The following IL20RB variants were observed in gnomAD, a reference collection of about 807,000 sequenced individuals.
IL20RB encodes the protein interleukin 20 receptor subunit beta.
Under a neutral mutation model 33.3 loss-of-function variants are expected in IL20RB, and 21 were observed. The ratio of observed to expected loss-of-function variants is 0.63; its 90% CI spans 0.45 to 0.91. The LOEUF is 0.91. Among genes scored for constraint, IL20RB ranks in the 40% least tolerant of loss-of-function variants. The pLI is 0.00. For missense variants in IL20RB, 345 were observed against 384.8 expected, an observed-to-expected ratio of 0.90 and a Z score of 0.86; for synonymous variants, 147 against 146.8, an observed-to-expected ratio of 1.00 and a Z score of -0.01.
intron 1 of IL20RB, among the ~76,000 whole-genome samples, chr3:136,966,227 G>C (rs1474907744): frequency 1.5e-5 from 2 of 137,924 alleles, no homozygotes; most frequent in African/African-American, 5.8e-5. Flanking sequence ...AGTTAGGGAG[G>C]ATTCCCTCTT....
chr3:136,973,908 G>T (rs1368156387), intron 1 of IL20RB, among the ~76,000 whole-genome samples: 1 of 151,834 alleles, frequency 6.6e-6, no homozygotes, highest in East Asian at 1.9e-4. Context: ...GTTTTCATTT[G>T]TGTGGAGAAT....
intron 1 of IL20RB, among the ~76,000 whole-genome samples, chr3:136,972,380 G>C (rs1432836395): frequency 6.6e-6 from 1 of 152,142 alleles, no homozygotes; most frequent in Non-Finnish European, 1.5e-5. Flanking sequence ...CAGGAGGATT[G>C]ATATTAATTC....
At chr3:136,993,918 C>T (rs1942079079) in intron 5 of IL20RB, among the ~76,000 whole-genome samples, 1 of 151,570 alleles carries the variant, frequency 6.6e-6, no homozygotes. Flanking sequence ...AAGGCTGAGG[C>T]ATGAAAATCG....
chr3:136,961,212 T>A (rs544156706), intron 1 of IL20RB, among the ~76,000 whole-genome samples: 32 of 152,336 alleles, frequency 2.1e-4, no homozygotes, highest in African/African-American at 7.7e-4. Context: ...TGTACCAGGT[T>A]CTGGGATGTG....
chr3:136,975,924 G>A (rs142041402), intron 1 of IL20RB, among the ~76,000 whole-genome samples: 80 of 152,348 alleles, frequency 5.3e-4, no homozygotes, highest in African/African-American at 1.9e-3. Flanking sequence ...GACTGGGCAA[G>A]GAGGTGGGTT....
chr3:136,987,259 T>C (rs866151353), intron 3 of IL20RB, among the ~76,000 whole-genome samples: 26 of 152,180 alleles, frequency 1.7e-4, no homozygotes, highest in Admixed American at 1.5e-3. Context: ...ATCCCTGAGC[T>C]AGACACAAAG....
chr3:136,986,212 CAAATAAATAAATAAATAAAT>C (rs751861399), intron 3 of IL20RB, among the ~76,000 whole-genome samples: 1 of 138,090 alleles, frequency 7.2e-6, no homozygotes, highest in Non-Finnish European at 1.5e-5. Context: ...GACTCCATCT[CAAATAAATAAATAAATAAAT>C]AAATAAATAA....
intron 5 of IL20RB, among the ~76,000 whole-genome samples, chr3:136,994,193 A>G (rs575369221): frequency 7.4e-4 from 113 of 152,278 alleles, no homozygotes; most frequent in Admixed American, 7.2e-4. Flanking sequence ...GAAAGAATGA[A>G]TAAGACCTAC....
intron 1 of IL20RB, among the ~76,000 whole-genome samples, chr3:136,979,264 A>G (rs1941709177): frequency 1.3e-5 from 2 of 152,146 alleles, no homozygotes; most frequent in South Asian, 4.1e-4. Flanking sequence ...GTGCATCACT[A>G]GGGCCCTACA....
At chr3:136,969,578 T>C (rs922884454) in intron 1 of IL20RB, among the ~76,000 whole-genome samples, 108 of 148,132 alleles carry the variant, frequency 7.3e-4, no homozygotes, top group Admixed American at 7.4e-4. Context: ...GCACACACAC[T>C]GGCCTGCGCA....
chr3:136,988,597 G>A (rs1941964479), intron 3 of IL20RB, among the ~76,000 whole-genome samples: 1 of 152,014 alleles, frequency 6.6e-6, no homozygotes, highest in Admixed American at 6.6e-5. Context: ...AAAAACATTA[G>A]CTGAGTGCGG....
intron 1 of IL20RB, among the ~76,000 whole-genome samples, chr3:136,962,964 A>G (rs1280702713): frequency 6.6e-6 from 1 of 151,806 alleles, no homozygotes; most frequent in East Asian, 1.9e-4. Context: ...TAATATCTTA[A>G]TTTTTTATAA....
intron 6 of IL20RB, among the ~76,000 whole-genome samples, chr3:137,004,520 C>T (rs897255369): frequency 6.6e-6 from 1 of 152,118 alleles, no homozygotes; most frequent in African/African-American, 2.4e-5. Flanking sequence ...AGGAATTTAT[C>T]CATTTCTTCT....
intron 6 of IL20RB, among the ~76,000 whole-genome samples, chr3:137,007,464 G>A (rs1185808628): frequency 6.6e-6 from 1 of 152,228 alleles, no homozygotes; most frequent in East Asian, 1.9e-4. Flanking sequence ...CTTCCTGGCT[G>A]CTTTGTTTAC....
intron 6 of IL20RB, among the ~76,000 whole-genome samples, chr3:137,005,443 G>A (rs897784162): frequency 2.2e-4 from 34 of 152,264 alleles, no homozygotes; most frequent in Admixed American, 1.1e-3. Context: ...ATGAATCTGG[G>A]TGCTCCTGTA....
intron 1 of IL20RB, 129 bp downstream of exon 1, chr3:136,958,330 T>G (rs1171387649): frequency 1.7e-6 from 1 of 585,880 alleles, no homozygotes; most frequent in Non-Finnish European, 3.0e-6. Flanking sequence ...TTACAAAAGA[T>G]TTATCACCTC....
At chr3:136,987,590 C>T (rs946457266) in intron 3 of IL20RB, among the ~76,000 whole-genome samples, 5 of 152,230 alleles carry the variant, frequency 3.3e-5, no homozygotes, top group Admixed American at 2.0e-4. Context: ...TGCGTCCGCA[C>T]TCCTCAGCCC....
At chr3:136,962,957 T>C (rs1254285799) in intron 1 of IL20RB, among the ~76,000 whole-genome samples, 2 of 151,754 alleles carry the variant, frequency 1.3e-5, no homozygotes, top group Non-Finnish European at 2.9e-5. Flanking sequence ...TTAATATTAA[T>C]ATCTTAATTT....
At chr3:136,989,028 G>A (rs954594231) in intron 3 of IL20RB, among the ~76,000 whole-genome samples, 4 of 152,144 alleles carry the variant, frequency 2.6e-5, no homozygotes, top group African/African-American at 9.7e-5. Flanking sequence ...TCACTTAGAT[G>A]AGCCAAAGTG....
Sources: allele counts gnomAD v4.1 joint callset (sites outside exome capture counted in the v4.1 genomes callset), GRCh38; gene constraint gnomAD v4.1.1; transcripts MANE v1.5; gene names NCBI Gene and HGNC (gene_info 2026-07-23, HGNC 2026-07-21).